CDHR3: variants seen among roughly 807,000 people sequenced by gnomAD.
CDHR3 encodes cadherin-related family member 3.
In CDHR3, 79 loss-of-function variants were observed where a neutral mutation model predicts 86.6. The observed-to-expected ratio is 0.91, with a 90% CI of 0.76 to 1.10. CDHR3 has a LOEUF of 1.10. Ranked by LOEUF, CDHR3 falls within the 50% of genes least tolerant of loss-of-function variation. The pLI is 0.00. For synonymous variants in CDHR3, 421 were observed against 402.4 expected (o/e 1.05, Z -0.55); for missense variants, 1,081 against 1,077.6 (o/e 1.00, Z -0.04).
chr7:106,020,454 C>G lies in CDHR3; in HGVS notation c.1735C>G (p.Leu579Val), dbSNP rs569411703. ...NSYFLALPVD[L>V]KVGTNIQNFK... ...TTATTTCCTGGCCCTCCCAGTGGAT[C>G]TGAAAGTTGGCACAAATATTCAGAA... is the stretch of plus-strand genomic sequence containing the variant. Residue 579 changes from leucine to valine, a missense_variant, in exon 13 of 19, where the codon CTG becomes GTG. Leu to Val is a conservative substitution (Grantham distance 32). Coordinates refer to ENST00000317716, the MANE Select transcript of CDHR3 (RefSeq NM_152750.5). 3.7e-6 allele frequency: 6 copies of G among 1,613,992 alleles called. No homozygotes were observed. In the East Asian group the frequency reaches 1.3e-4, roughly 36 times the overall value.
intron 6 of CDHR3, among the ~76,000 whole-genome samples, 189 bp downstream of exon 6, chr7:105,996,543 C>T (rs925964035): frequency 6.6e-6 from 1 of 152,178 alleles, no homozygotes; most frequent in African/African-American, 2.4e-5. Context: ...ACCTTTGCTG[C>T]CTCTGCCTCC....
At position 105,984,278 on chromosome 7, in the gene CDHR3, A is replaced by G. The variant is rs1407138413; in HGVS notation, c.502A>G (p.Ile168Val). 1.2e-6 allele frequency: 2 copies of G among 1,609,648 alleles called. No homozygotes were observed. Among genetic ancestry groups the G allele is most frequent in the East Asian group, 2.2e-5 (1 of 44,808 alleles). Residue 168 changes from isoleucine (I) to valine (V), a missense_variant, in exon 4 of 19, where the codon ATT becomes GTT. Transcript: ENST00000317716. ...AFDPEDTSRN[I>V]PLSYFLISPP... ...CGATCCAGAAGACACAAGCCGAAAC[A>G]TTCCCCTCAGTGTAAGTGTCCTTAT...
At chr7:105,977,724 C>G (rs1207931208) in intron 2 of CDHR3, among the ~76,000 whole-genome samples, 1 of 152,182 alleles carries the variant, frequency 6.6e-6, no homozygotes, top group African/African-American at 2.4e-5. Context: ...AGAATCTGGC[C>G]CCTCCTTGGA....
chr7:105,976,191 G>A (rs997810282), intron 2 of CDHR3, among the ~76,000 whole-genome samples: 1 of 152,192 alleles, frequency 6.6e-6, no homozygotes, highest in African/African-American at 2.4e-5. Flanking sequence ...CTTGGTTCCT[G>A]TAAGCCTTGT....
At chr7:106,017,374 T>G (rs1835794037) in intron 11 of CDHR3, among the ~76,000 whole-genome samples, 1 of 152,094 alleles carries the variant, frequency 6.6e-6, no homozygotes, top group African/African-American at 2.4e-5. Flanking sequence ...CTGGCCGACA[T>G]GGTGAAACCC....
chr7:106,012,510 G>A (rs1019088718), intron 8 of CDHR3, among the ~76,000 whole-genome samples: 9 of 152,178 alleles, frequency 5.9e-5, no homozygotes, highest in African/African-American at 1.9e-4. Flanking sequence ...TGAACAAGGA[G>A]AAGAGCTAGT....
At chr7:106,028,321 A>G in intron 16 of CDHR3, 1 of 557,582 alleles carries the variant, frequency 1.8e-6, no homozygotes, top group Non-Finnish European at 3.2e-6. Flanking sequence ...ATAAAAAACA[A>G]CTAAATTGTT....
intron 1 of CDHR3, among the ~76,000 whole-genome samples, chr7:105,966,867 G>C (rs1213210544): frequency 1.3e-5 from 2 of 152,070 alleles, no homozygotes; most frequent in Non-Finnish European, 1.5e-5. Flanking sequence ...AGATAAACAC[G>C]TCTGTTTCTT....
chr7:106,018,113 G>A (rs1454934037), intron 12 of CDHR3, 41 bp downstream of exon 12: 1 of 1,547,278 alleles, frequency 6.5e-7, no homozygotes, highest in Admixed American at 1.7e-5. Context: ...AACCCAACTG[G>A]TTGACTTAGG....
At chr7:106,007,783 G>A (rs1057364562) in intron 8 of CDHR3, among the ~76,000 whole-genome samples, 10 of 152,160 alleles carry the variant, frequency 6.6e-5, no homozygotes, top group African/African-American at 2.2e-4. Context: ...ACCCCTGCCT[G>A]TTACCCAGTT....
At chr7:106,002,949 C>G (rs777672836) in intron 7 of CDHR3, among the ~76,000 whole-genome samples, 2 of 151,748 alleles carry the variant, frequency 1.3e-5, no homozygotes, top group Admixed American at 6.6e-5. Flanking sequence ...GCCTGGGCAA[C>G]GTAGTGAAAC....
chr7:105,997,622 G>C (rs1176543780), intron 6 of CDHR3, among the ~76,000 whole-genome samples: 1 of 152,180 alleles, frequency 6.6e-6, no homozygotes, highest in Non-Finnish European at 1.5e-5. Context: ...GAAGGTGATG[G>C]CTGCAGGGCT....
Position 106,015,124 on chromosome 7 carries a change from T to C in CDHR3, c.1238T>C (p.Leu413Pro), listed in dbSNP as rs1305858977. Residue 413 changes from leucine (L) to proline (P), a missense_variant, in exon 10 of 19, where the codon CTA (leucine) becomes CCA (proline). Coordinates refer to ENST00000317716, the MANE Select transcript of CDHR3 (RefSeq NM_152750.5). ...GSGKIVLIGD[L>P]DYENPSNLAA... is the part of the protein sequence containing the mutation. ...GTTTTAATCTAGCTGATTGGTGATC[T>C]AGACTACGAAAATCCAAGTAACCTA... 6.2e-7 allele frequency: 1 copy of C among 1,606,978 alleles called. No homozygotes were observed. Among genetic ancestry groups the C allele is most frequent in the Admixed American group, 1.7e-5 (1 of 59,254 alleles).
intron 4 of CDHR3, among the ~76,000 whole-genome samples, chr7:105,988,583 T>G (rs1173229245): frequency 6.6e-6 from 1 of 152,204 alleles, no homozygotes; most frequent in Non-Finnish European, 1.5e-5. Flanking sequence ...TCCAGCTTAA[T>G]AAAGTGAAAC....
intron 8 of CDHR3, among the ~76,000 whole-genome samples, chr7:106,005,243 G>C (rs1833790359): frequency 1.3e-5 from 2 of 152,196 alleles, no homozygotes. Context: ...AAAAAATGCA[G>C]ATACAAGTGG....
intron 5 of CDHR3, 74 bp from the exon 6 acceptor site, chr7:105,996,176 A>C: frequency 1.2e-6 from 1 of 812,296 alleles, no homozygotes; most frequent in African/African-American, 1.7e-5. Flanking sequence ...CTCCCACCCC[A>C]TGATTTTCCC....
At chr7:105,972,408 G>C (rs140442304) in intron 1 of CDHR3, among the ~76,000 whole-genome samples, 104 of 152,258 alleles carry the variant, frequency 6.8e-4, no homozygotes, top group Middle Eastern at 3.4e-3. Flanking sequence ...CGAGTCACTG[G>C]AGAGGGTTGG....
At chr7:105,990,916 G>A (rs758437226) in intron 4 of CDHR3, among the ~76,000 whole-genome samples, 2 of 152,172 alleles carry the variant, frequency 1.3e-5, no homozygotes, top group Admixed American at 1.3e-4. Context: ...AAGGGTGAAT[G>A]GGGCAGGAAG....
intron 1 of CDHR3, among the ~76,000 whole-genome samples, chr7:105,967,423 T>C (rs1827147528): frequency 6.6e-6 from 1 of 152,238 alleles, no homozygotes; most frequent in Non-Finnish European, 1.5e-5. Context: ...CATACATGTG[T>C]ATGTGTCTTT....
Sources: allele counts gnomAD v4.1 joint callset (sites outside exome capture counted in the v4.1 genomes callset), GRCh38; gene constraint gnomAD v4.1.1; transcripts MANE v1.5; gene names NCBI Gene and HGNC (gene_info 2026-07-23, HGNC 2026-07-21).